CCDC191: variants seen among roughly 807,000 people sequenced by gnomAD.
CCDC191 encodes the protein coiled-coil domain-containing protein 191.
A neutral mutation model predicts 114.0 loss-of-function variants in CCDC191; 99 were observed. The observed-to-expected ratio is 0.87, with a 90% CI of 0.74 to 1.03. The LOEUF (loss-of-function observed/expected upper bound fraction) is 1.03, where lower values mean the gene tolerates loss of function less well. Among genes scored for constraint, CCDC191 ranks in the 50% least tolerant of loss-of-function variants. The pLI, the probability that CCDC191 is intolerant of heterozygous loss-of-function variation, is 0.00. For synonymous variants in CCDC191, 351 were observed against 376.0 expected (o/e 0.93, Z 0.77); for missense variants, 973 against 1,087.0 (o/e 0.90, Z 1.47).
upstream of CCDC191, chr3:114,056,548 T>C: frequency 6.2e-7 from 1 of 1,608,378 alleles, no homozygotes; most frequent in Non-Finnish European, 8.5e-7. Flanking sequence ...ACGCTGGGAA[T>C]TGTAGTTCCT....
chr3:114,020,024 G>A (rs1041973171), intron 7 of CCDC191, among the ~76,000 whole-genome samples: 2 of 152,150 alleles, frequency 1.3e-5, no homozygotes, highest in African/African-American at 2.4e-5. Context: ...CACTGAGTGT[G>A]GGGAGCATTA....
intron 8 of CCDC191, among the ~76,000 whole-genome samples, chr3:114,013,114 T>C (rs2076099554): frequency 6.6e-6 from 1 of 151,682 alleles, no homozygotes; most frequent in South Asian, 2.1e-4. Flanking sequence ...GGCGTGGTGG[T>C]GAGTGCCTGT....
rs199960106 is a variant in CCDC191 at position 113,965,336 on chromosome 3, C to T, written c.2630G>A (p.Arg877Gln). The T allele has an allele frequency of 3.1e-5, 50 of 1,596,572 alleles. No homozygotes were observed. The highest frequency in any genetic ancestry group is 3.9e-5 in the Non-Finnish European group (46 of 1,172,412). The change falls in exon 17 of 17, where the codon CGG (arginine) becomes CAG (glutamine). Residue 877 changes from arginine to glutamine, a missense_variant. By Grantham distance (43) the Arg-to-Gln change is conservative. Coordinates refer to ENST00000295878, the MANE Select transcript of CCDC191 (RefSeq NM_020817.2). Reference protein sequence around the residue: ...SDRRILWITLRTWKKFVKFMK... With the variant: ...SDRRILWITLQTWKKFVKFMK... ...AAATTTTACAAACTTCTTCCATGTC[C>T]GAAGGGTGATCCAGAGGATCCTCCT...
At chr3:114,045,679 G>A (rs535949903) in intron 3 of CCDC191, among the ~76,000 whole-genome samples, 12 of 152,038 alleles carry the variant, frequency 7.9e-5, no homozygotes, top group African/African-American at 2.4e-4. Flanking sequence ...CCTCACTCCC[G>A]CCAGCTTCTC....
At chr3:113,990,779 A>G (rs2075529847) in intron 13 of CCDC191, among the ~76,000 whole-genome samples, 1 of 151,732 alleles carries the variant, frequency 6.6e-6, no homozygotes, top group African/African-American at 2.4e-5. Flanking sequence ...TTATCCTAAT[A>G]CCACAACAAG....
chr3:113,980,885 C>T lies in CCDC191; in HGVS notation c.2164-92G>A, dbSNP rs1005453093. ...TAATGAATTTAATTTGAACATGTAA[C>T]CATTGAATGGTGTGTTAATCATGAT... On this transcript the variant is annotated intron_variant, in intron 13 of 16. Coordinates refer to ENST00000295878, the MANE Select transcript of CCDC191 (RefSeq NM_020817.2). 4.4e-5 allele frequency: 51 copies of T among 1,152,848 alleles called. 1 individual carries two copies. The highest frequency in any genetic ancestry group is 6.8e-5 in the Admixed American group (3 of 44,180). The allele number at this position is 1,152,848 out of a possible 1,614,324, so 71.4% of individuals were successfully genotyped here. A position where few individuals can be genotyped will look rare whatever the true frequency, so the allele number is the denominator to read the frequency against.
chr3:113,968,387 G>A (rs1940430351), intron 16 of CCDC191, among the ~76,000 whole-genome samples: 1 of 152,066 alleles, frequency 6.6e-6, no homozygotes, highest in South Asian at 2.1e-4. Context: ...AATTAGTGAT[G>A]CTGAGCATTT....
intron 9 of CCDC191, among the ~76,000 whole-genome samples, chr3:114,008,031 T>A (rs189462818): frequency 1.2e-3 from 173 of 147,348 alleles, no homozygotes; most frequent in African/African-American, 3.9e-3. Context: ...TAAATATATA[T>A]AAATTACTAT....
chr3:114,052,931 T>A (rs934652591), intron 2 of CCDC191, among the ~76,000 whole-genome samples: 1 of 152,306 alleles, frequency 6.6e-6, no homozygotes, highest in East Asian at 1.9e-4. Flanking sequence ...ATATGGCAAG[T>A]TGCTAAACTG....
In CCDC191 at chr3:114,005,359, T is replaced by C. The variant is rs2075933894; in HGVS notation, c.1868+149A>G. The C allele has an allele frequency of 4.3e-6, 3 of 698,302 alleles. No homozygotes were observed. In the South Asian group the frequency reaches 5.7e-5, roughly 13 times the overall value. The allele number at this position is 698,302 out of a possible 1,614,324, so 43.3% of individuals were successfully genotyped here. On this transcript the variant is annotated intron_variant, in intron 10 of 16. Coordinates refer to ENST00000295878, the MANE Select transcript of CCDC191 (RefSeq NM_020817.2). The stretch of plus-strand genomic sequence containing the variant: ...TTGACTATCTGTGCCTGTCATATAC[T>C]AGTCATAACTAGGCTTCTTTGCTTT...
intron 4 of CCDC191, among the ~76,000 whole-genome samples, chr3:114,038,464 C>T (rs1002222988): frequency 6.6e-6 from 1 of 152,208 alleles, no homozygotes; most frequent in Non-Finnish European, 1.5e-5. Flanking sequence ...ACTACACTAA[C>T]AGTCGTATAA....
At chr3:114,017,671 A>C (rs1188464960) in intron 8 of CCDC191, among the ~76,000 whole-genome samples, 2 of 152,140 alleles carry the variant, frequency 1.3e-5, no homozygotes, top group South Asian at 2.1e-4. Flanking sequence ...CCAACCCCTA[A>C]GTAAACAAAT....
At chr3:114,001,516 T>C in intron 13 of CCDC191, 79 bp downstream of exon 13, 1 of 1,548,736 alleles carries the variant, frequency 6.5e-7, no homozygotes, top group Non-Finnish European at 8.7e-7. Context: ...AGTTCTGGGT[T>C]AAAGAAGGTG....
At chr3:113,982,346 A>G (rs866295069) in intron 13 of CCDC191, among the ~76,000 whole-genome samples, 3 of 152,158 alleles carry the variant, frequency 2.0e-5, no homozygotes, top group Non-Finnish European at 2.9e-5. Context: ...CCCTCTATTA[A>G]GGGTTCCTCG....
chr3:114,045,794 T>C (rs1292614073), intron 3 of CCDC191, among the ~76,000 whole-genome samples: 1 of 152,182 alleles, frequency 6.6e-6, no homozygotes, highest in Non-Finnish European at 1.5e-5. Context: ...CATCACATTG[T>C]TCAACTGACT....
At chr3:114,007,497 G>A (rs1025464651) in intron 9 of CCDC191, among the ~76,000 whole-genome samples, 35 of 152,144 alleles carry the variant, frequency 2.3e-4, no homozygotes, top group Non-Finnish European at 7.4e-5. Context: ...GAGAACACCT[G>A]CTTAAGCAAT....
chr3:114,056,119 A>G (rs2076774238), intron 1 of CCDC191, among the ~76,000 whole-genome samples: 1 of 152,146 alleles, frequency 6.6e-6, no homozygotes, highest in Admixed American at 6.5e-5. Flanking sequence ...CCCGATGGGC[A>G]TTAGCAGACA....
intron 2 of CCDC191, among the ~76,000 whole-genome samples, chr3:114,049,727 G>A (rs2076676697): frequency 6.6e-6 from 1 of 152,170 alleles, no homozygotes; most frequent in South Asian, 2.1e-4. Flanking sequence ...ATGAAGATTT[G>A]AGGAGAAAGA....
chr3:114,029,234 A>G (rs554204062), intron 7 of CCDC191, among the ~76,000 whole-genome samples: 32 of 152,326 alleles, frequency 2.1e-4, no homozygotes, highest in Non-Finnish European at 3.2e-4. Flanking sequence ...GAAAGAACAA[A>G]GGAGCCAACT....
Sources: gnomAD v4.1 joint callset for allele counts (sites outside exome capture counted in the v4.1 genomes callset) on GRCh38, gnomAD v4.1.1 for gene constraint, MANE v1.5 for transcripts, NCBI Gene and HGNC (gene_info 2026-07-23, HGNC 2026-07-21) for gene names.